ESR1: variants seen among roughly 807,000 people sequenced by gnomAD.
The protein encoded by ESR1 is estrogen receptor 1.
A neutral mutation model predicts 52.7 loss-of-function variants in ESR1; 12 were observed. The observed-to-expected ratio is 0.23, with a 90% CI of 0.15 to 0.37. ESR1 has a LOEUF of 0.37. ESR1 is among the 10% of genes least tolerant of loss of function. ESR1 has a pLI of 1.00. For synonymous variants in ESR1, 305 were observed against 316.8 expected, an observed-to-expected ratio of 0.96 and a Z score of 0.39; for missense variants, 584 against 779.7, an observed-to-expected ratio of 0.75 and a Z score of 2.99.
In ESR1 at chr6:152,102,785, A is replaced by G. The variant is rs988665584; in HGVS notation, c.*3819A>G. The G allele has an allele frequency of 9.0e-6, 2 of 222,024 alleles. No homozygotes were observed. The highest frequency in any genetic ancestry group is 1.8e-5 in the Non-Finnish European group (2 of 110,800). The allele number at this position is 222,024 out of a possible 1,614,324, so 13.8% of individuals were successfully genotyped here. On this transcript the variant is annotated 3_prime_UTR_variant, in exon 8 of 8. Coordinates refer to ENST00000206249, the MANE Select transcript of ESR1 (RefSeq NM_000125.4). ...ATTTCTATTCTTTTTTTTGCATCCAATTGTGCCTGAACTTTTAAAATATGT... is the reference window on the plus strand; with the variant it reads ...ATTTCTATTCTTTTTTTTGCATCCAGTTGTGCCTGAACTTTTAAAATATGT...
intron 2 of ESR1, among the ~76,000 whole-genome samples, chr6:151,870,227 G>A (rs1790706419): frequency 6.6e-6 from 1 of 151,900 alleles, no homozygotes; most frequent in Non-Finnish European, 1.5e-5. Context: ...GGAGTATGTG[G>A]AAAGGTTTTC....
chr6:151,861,307 C>T (rs920702244), intron 2 of ESR1, among the ~76,000 whole-genome samples: 2 of 152,048 alleles, frequency 1.3e-5, no homozygotes, highest in African/African-American at 2.4e-5. Flanking sequence ...TTTATAATTG[C>T]TACCTGAAAA....
Position 151,916,507 on chromosome 6 carries a change from G to T in ESR1, c.761-27666G>T, listed in dbSNP as rs9340886. 2.2e-3 allele frequency among the ~76,000 whole-genome samples: 328 copies of T among 152,254 alleles called. 1 individual carries two copies. Among genetic ancestry groups the T allele is most frequent in the Non-Finnish European group, 3.2e-3 (216 of 68,022 alleles). The stretch of plus-strand genomic sequence containing the variant: ...AGAAATTCTCTGCTTGGGGCAATAG[G>T]TACCTCCTTTGGAATAAGCATGGTG... On this transcript the variant is annotated intron_variant, in intron 3 of 7. Transcript: ENST00000206249.
intron 5 of ESR1, among the ~76,000 whole-genome samples, chr6:152,033,210 C>A (rs1584922027): frequency 6.6e-6 from 1 of 152,090 alleles, no homozygotes. Flanking sequence ...CTAGGCAATA[C>A]CATTCAGGAC....
At chr6:152,029,716 T>C (rs1177009388) in intron 5 of ESR1, among the ~76,000 whole-genome samples, 1 of 152,206 alleles carries the variant, frequency 6.6e-6, no homozygotes, top group Non-Finnish European at 1.5e-5. Flanking sequence ...GAAAACACTC[T>C]GCAGGATATT....
At chr6:151,854,018 G>T (rs1169653727) in intron 2 of ESR1, among the ~76,000 whole-genome samples, 1 of 152,092 alleles carries the variant, frequency 6.6e-6, no homozygotes, top group Non-Finnish European at 1.5e-5. Context: ...CATGGTTCGT[G>T]GCCTAATTCC....
At chr6:151,969,683 T>C (rs1358909709) in intron 4 of ESR1, among the ~76,000 whole-genome samples, 1 of 152,228 alleles carries the variant, frequency 6.6e-6, no homozygotes, top group Admixed American at 6.5e-5. Flanking sequence ...TGTCTTCTTG[T>C]AGCAGACAGC....
intron 5 of ESR1, among the ~76,000 whole-genome samples, chr6:152,044,434 T>C (rs1007223860): frequency 6.6e-6 from 1 of 152,152 alleles, no homozygotes; most frequent in Non-Finnish European, 1.5e-5. Flanking sequence ...ACAGGTGAGA[T>C]GTATATATAA....
At chr6:151,776,871 A>T (rs1190860320) in intron 2 of ESR1, among the ~76,000 whole-genome samples, 1 of 151,622 alleles carries the variant, frequency 6.6e-6, no homozygotes, top group Non-Finnish European at 1.5e-5. Context: ...AAAAGAAAAG[A>T]AGAGTGGCCA....
intron 1 of ESR1, among the ~76,000 whole-genome samples, chr6:151,822,891 C>CT (rs924106760): frequency 2.9e-4 from 44 of 152,300 alleles, no homozygotes; most frequent in African/African-American, 1.0e-3. Flanking sequence ...CCGAAACAGA[C>CT]TTTTGTCTCT....
At chr6:151,706,473 G>T (rs1423222376) in intron 2 of ESR1, among the ~76,000 whole-genome samples, 2 of 152,142 alleles carry the variant, frequency 1.3e-5, no homozygotes, top group Non-Finnish European at 2.9e-5. Context: ...GGAAGCACAA[G>T]GCCATCCCAG....
intron 3 of ESR1, among the ~76,000 whole-genome samples, chr6:151,896,734 GT>G (rs760237294): frequency 2.0e-5 from 3 of 148,044 alleles, no homozygotes; most frequent in Non-Finnish European, 4.6e-5. Context: ...TTTGGGTTTC[GT>G]TTGTTTTTAT....
chr6:151,966,249 T>C (rs2038261109), intron 4 of ESR1, among the ~76,000 whole-genome samples: 1 of 152,204 alleles, frequency 6.6e-6, no homozygotes, highest in Admixed American at 6.5e-5. Context: ...TAATGAGAAA[T>C]TCTGGTGTCA....
At chr6:151,897,309 G>C (rs1795690796) in intron 3 of ESR1, among the ~76,000 whole-genome samples, 1 of 152,090 alleles carries the variant, frequency 6.6e-6, no homozygotes, top group Admixed American at 6.5e-5. Flanking sequence ...TTGTATTGCT[G>C]TCTGTCTCAT....
intron 2 of ESR1, among the ~76,000 whole-genome samples, chr6:151,777,688 A>G (rs116391423): frequency 0.087 from 13,198 of 152,094 alleles, 688 homozygotes; most frequent in African/African-American, 0.1. Flanking sequence ...GGCTGGGTAT[A>G]GTGGCTCATG....
chr6:151,700,668 C>CT (rs34905961), intron 1 of ESR1, among the ~76,000 whole-genome samples: 4,799 of 117,032 alleles, frequency 0.041, 190 homozygotes, highest in African/African-American at 0.11. Flanking sequence ...TTAAACTTTC[C>CT]TTTTTTTTTT....
chr6:151,891,533 A>G (rs35258857), intron 3 of ESR1, among the ~76,000 whole-genome samples: 210 of 152,238 alleles, frequency 1.4e-3, no homozygotes, highest in African/African-American at 4.7e-3. Context: ...GGTAGTTTTT[A>G]GAGCTGAAAA....
intron 5 of ESR1, among the ~76,000 whole-genome samples, chr6:152,029,928 C>T (rs924742809): frequency 6.6e-5 from 10 of 152,224 alleles, no homozygotes; most frequent in Admixed American, 1.3e-4. Flanking sequence ...GCCCATCAGA[C>T]TAACAGCGGA....
At chr6:152,122,219 T>C in intron 6 of ESR1, 1 of 706,252 alleles carries the variant, frequency 1.4e-6, no homozygotes, top group Non-Finnish European at 2.3e-6. Context: ...CAAACCAGAT[T>C]TCTTCCAAAC....
Sources: allele counts gnomAD v4.1 joint callset (sites outside exome capture counted in the v4.1 genomes callset), GRCh38; gene constraint gnomAD v4.1.1; transcripts MANE v1.5; gene names NCBI Gene and HGNC (gene_info 2026-07-23, HGNC 2026-07-21).